OBI1: variants seen among roughly 807,000 people sequenced by gnomAD.
OBI1 encodes the protein ORC ubiquitin ligase 1.
In OBI1, 59 loss-of-function variants were observed where a neutral mutation model predicts 62.4. The ratio of observed to expected loss-of-function variants is 0.95; its 90% CI spans 0.77 to 1.17. The LOEUF (loss-of-function observed/expected upper bound fraction) is 1.17, where lower values mean the gene tolerates loss of function less well. Ranked by LOEUF, OBI1 falls within the 50% of genes most tolerant of loss-of-function variation. OBI1 has a pLI of 0.00. For synonymous variants in OBI1, 302 were observed against 292.8 expected (o/e 1.03, Z -0.32); for missense variants, 875 against 830.9 (o/e 1.05, Z -0.65).
intron 4 of OBI1, among the ~76,000 whole-genome samples, chr13:78,638,171 A>G (rs1213961311): frequency 6.6e-6 from 1 of 152,186 alleles, no homozygotes; most frequent in African/African-American, 2.4e-5. Flanking sequence ...TGTAACATCT[A>G]GTGCTGATGG....
At chr13:78,654,027 A>G (rs1393114132) in intron 1 of OBI1, among the ~76,000 whole-genome samples, 1 of 45,838 alleles carries the variant, frequency 2.2e-5, no homozygotes, top group Non-Finnish European at 6.3e-5. Context: ...CTATAACTTA[A>G]GGAAAAAAAA....
chr13:78,636,479 A>T (rs6563054), intron 4 of OBI1, among the ~76,000 whole-genome samples: 56,009 of 152,050 alleles, frequency 0.37, 10,641 homozygotes, highest in African/African-American at 0.39. Flanking sequence ...GCTATTACTT[A>T]GATGAATTTC....
At chr13:78,618,100 A>G (rs1262632482) in intron 5 of OBI1, among the ~76,000 whole-genome samples, 1 of 152,142 alleles carries the variant, frequency 6.6e-6, no homozygotes, top group Non-Finnish European at 1.5e-5. Context: ...CCTTAAATTC[A>G]ATCTTATCAC....
intron 5 of OBI1, among the ~76,000 whole-genome samples, chr13:78,619,269 C>G (rs1875427964): frequency 6.6e-6 from 1 of 151,758 alleles, no homozygotes; most frequent in East Asian, 1.9e-4. Context: ...AGGGTTTTAG[C>G]TTGGAATTTC....
intron 5 of OBI1, 87 bp downstream of exon 5, chr13:78,635,023 G>C (rs1039607645): frequency 2.8e-6 from 2 of 707,200 alleles, no homozygotes; most frequent in African/African-American, 3.7e-5. Flanking sequence ...ATTAAATGAA[G>C]AGTCAAACAA....
At chr13:78,641,085 AAT>A (rs1439630684) in intron 3 of OBI1, among the ~76,000 whole-genome samples, 11 of 152,284 alleles carry the variant, frequency 7.2e-5, no homozygotes, top group African/African-American at 2.6e-4. Context: ...ATCTATAATA[AAT>A]ATGTCACCTT....
intron 5 of OBI1, among the ~76,000 whole-genome samples, chr13:78,630,677 G>A (rs1350515449): frequency 6.6e-6 from 1 of 152,080 alleles, no homozygotes; most frequent in Non-Finnish European, 1.5e-5. Context: ...TCTGCCATTC[G>A]AGGATACAGC....
intron 5 of OBI1, among the ~76,000 whole-genome samples, chr13:78,619,615 C>T (rs1312817736): frequency 6.6e-6 from 1 of 152,094 alleles, no homozygotes; most frequent in Non-Finnish European, 1.5e-5. Flanking sequence ...GGGACCTGTG[C>T]TGGTTGGCAG....
intron 5 of OBI1, chr13:78,620,670 A>G (rs1875480511): frequency 2.2e-6 from 1 of 456,654 alleles, no homozygotes; most frequent in East Asian, 6.9e-5. Flanking sequence ...GAGATACAAG[A>G]TCATTTCTGT....
chr13:78,638,716 T>C (rs1015015992), intron 4 of OBI1, 107 bp downstream of exon 4: 14 of 1,027,214 alleles, frequency 1.4e-5, no homozygotes, highest in Non-Finnish European at 1.8e-5. Context: ...TTCTGTCCTT[T>C]CCTCACAAAT....
chr13:78,628,933 T>C (rs1875762569), intron 5 of OBI1, among the ~76,000 whole-genome samples: 1 of 151,862 alleles, frequency 6.6e-6, no homozygotes, highest in African/African-American at 2.4e-5. Context: ...GATTTTGTTT[T>C]ATAATCTCTG....
At chr13:78,628,054 A>G (rs1875732001) in intron 5 of OBI1, among the ~76,000 whole-genome samples, 1 of 152,228 alleles carries the variant, frequency 6.6e-6, no homozygotes, top group Non-Finnish European at 1.5e-5. Context: ...AGGCCACGCA[A>G]TTAAATGAAC....
rs1875229780 is a variant in OBI1, at chr13:78,615,434, A to C, written c.*146T>G. ...AAAATGAACAATAAGTATTCTGGGT[A>C]CAGGTTAATCCACCATCCTGACTTG... On this transcript the variant is annotated 3_prime_UTR_variant, in exon 6 of 6. Coordinates refer to ENST00000282003, the MANE Select transcript of OBI1 (RefSeq NM_024546.4). The C allele has an allele frequency of 3.5e-6, 2 of 565,532 alleles. No individual in the cohort carries two copies. Among genetic ancestry groups the C allele is most frequent in the Middle Eastern group, 4.0e-4 (1 of 2,470 alleles). The allele number at this position is 565,532 out of a possible 1,614,324, so 35.0% of individuals were successfully genotyped here.
At chr13:78,618,709 C>T (rs1246548792) in intron 5 of OBI1, among the ~76,000 whole-genome samples, 2 of 152,126 alleles carry the variant, frequency 1.3e-5, no homozygotes, top group African/African-American at 4.8e-5. Flanking sequence ...TAAAAAAACA[C>T]AGCAAAAACC....
At chr13:78,622,417 CA>C (rs1875540512) in intron 5 of OBI1, among the ~76,000 whole-genome samples, 1 of 152,264 alleles carries the variant, frequency 6.6e-6, no homozygotes, top group Admixed American at 6.5e-5. Context: ...TGATATGGGA[CA>C]AAACCAAATA....
chr13:78,638,872 G>A lies in OBI1; in HGVS notation c.500C>T (p.Ala167Val). ...VAEWKKKLRT[A>V]NEIYEKVKDD... ...TTTCACTTTTTCATAGATTTCATTA[G>A]CTGTTCTGAGTTTTTTCTTCCACTC... is the stretch of plus-strand genomic sequence containing the variant. Residue 167 changes from alanine (A) to valine (V), a missense_variant, in exon 4 of 6, where the codon GCT becomes GTT. Physicochemically the swap from Ala to Val is moderately conservative, Grantham distance 64 (BLOSUM62 0). Coordinates refer to ENST00000282003, the MANE Select transcript of OBI1 (RefSeq NM_024546.4). 2 of 1,613,600 alleles carry A rather than the reference G, an allele frequency of 1.2e-6. No homozygotes were observed. The highest frequency in any genetic ancestry group is 1.7e-6 in the Non-Finnish European group (2 of 1,179,788).
At chr13:78,624,268 A>T (rs147717247) in intron 5 of OBI1, among the ~76,000 whole-genome samples, 1,697 of 152,332 alleles carry the variant, frequency 0.011, 22 homozygotes, top group Non-Finnish European at 0.016. Context: ...AAGAATAAAA[A>T]ATGCCAGAAT....
chr13:78,640,452 A>AT (rs905742284), intron 3 of OBI1, among the ~76,000 whole-genome samples: 2 of 152,068 alleles, frequency 1.3e-5, no homozygotes, highest in African/African-American at 2.4e-5. Context: ...TATTTTTTTA[A>AT]TTTTCAATCT....
At chr13:78,624,654 T>A (rs1460242077) in intron 5 of OBI1, among the ~76,000 whole-genome samples, 1 of 152,166 alleles carries the variant, frequency 6.6e-6, no homozygotes, top group Non-Finnish European at 1.5e-5. Flanking sequence ...TAGAAATTAA[T>A]AAAAATGACC....
Sources: allele counts gnomAD v4.1 joint callset (sites outside exome capture counted in the v4.1 genomes callset), GRCh38; gene constraint gnomAD v4.1.1; transcripts MANE v1.5; gene names NCBI Gene and HGNC (gene_info 2026-07-23, HGNC 2026-07-21).